Variants in HPSE2 observed in about 807,000 individuals in gnomAD.
HPSE2 encodes the protein inactive heparanase-2.
In HPSE2, 38 loss-of-function variants were observed where a neutral mutation model predicts 60.5. That is an observed-to-expected ratio of 0.63 (90% CI 0.48 to 0.82). The LOEUF is 0.82. Among genes scored for constraint, HPSE2 ranks in the 40% least tolerant of loss-of-function variants. The probability of loss-of-function intolerance (pLI) is 0.00; values close to 1 mark genes in which losing one functional copy is unlikely to be tolerated. For missense variants in HPSE2, 713 were observed against 740.4 expected (o/e 0.96, Z 0.43); for synonymous variants, 295 against 293.2 (o/e 1.01, Z -0.06).
At chr10:98,799,015 G>A (rs940948124) in intron 3 of HPSE2, among the ~76,000 whole-genome samples, 46 of 152,156 alleles carry the variant, frequency 3.0e-4, no homozygotes, top group Admixed American at 1.3e-3. Flanking sequence ...GTAAAAATAA[G>A]ACCAAATTAT....
chr10:98,833,162 C>T (rs1418523832), intron 3 of HPSE2, among the ~76,000 whole-genome samples: 2 of 152,152 alleles, frequency 1.3e-5, no homozygotes, highest in Non-Finnish European at 2.9e-5. Flanking sequence ...AGACAGTTCT[C>T]CAAACACCTA....
chr10:98,496,396 G>C (rs1030531575), intron 9 of HPSE2, among the ~76,000 whole-genome samples: 1 of 152,208 alleles, frequency 6.6e-6, no homozygotes, highest in African/African-American at 2.4e-5. Context: ...GTGGTTGCCT[G>C]CCTCTTTATC....
At chr10:98,799,623 C>T (rs912800615) in intron 3 of HPSE2, among the ~76,000 whole-genome samples, 3 of 151,562 alleles carry the variant, frequency 2.0e-5, no homozygotes, top group African/African-American at 7.3e-5. Flanking sequence ...AAATTAATAA[C>T]AAGAGGAATT....
At chr10:98,571,940 C>CTTTCTTTTTTTTTTTTT (rs560289933) in intron 9 of HPSE2, among the ~76,000 whole-genome samples, 1 of 140,730 alleles carries the variant, frequency 7.1e-6, no homozygotes, top group African/African-American at 2.7e-5. Context: ...AATTCCTTTT[C>CTTTCTTTTTTTTTTTTT]TTTTTTTTTT....
chr10:98,628,083 A>G (rs1037694203), intron 7 of HPSE2, among the ~76,000 whole-genome samples: 14 of 152,238 alleles, frequency 9.2e-5, no homozygotes, highest in Non-Finnish European at 1.9e-4. Context: ...TTTTGGGGAA[A>G]TATTTCTAGA....
chr10:98,788,720 G>A (rs535169624), intron 3 of HPSE2, among the ~76,000 whole-genome samples: 3 of 151,942 alleles, frequency 2.0e-5, no homozygotes, highest in East Asian at 2.0e-4. Flanking sequence ...AGGTGCGTCC[G>A]TCACCCCTTT....
chr10:99,062,996 T>C (rs1464300745), intron 3 of HPSE2, among the ~76,000 whole-genome samples: 1 of 152,184 alleles, frequency 6.6e-6, no homozygotes, highest in Non-Finnish European at 1.5e-5. Context: ...TATTTTCTAC[T>C]TTCCCTTGTC....
Position 99,235,634 on chromosome 10 carries a change from C to T in HPSE2, c.169G>A (p.Glu57Lys), listed in dbSNP as rs750706682. 6.2e-7 allele frequency: 1 copy of T among 1,614,062 alleles called. No homozygotes were observed. The highest frequency in any genetic ancestry group is 1.1e-5 in the South Asian group (1 of 91,062). ...ACATCAAGTAGAATCAGGGTCTTTT[C>T]CTTCAAACCTGCAGCTCTGTCTACA... ...LPVDRAAGLK[E>K]KTLILLDVST... is the part of the protein sequence containing the mutation. The change falls in exon 1 of 12, where the codon GAA becomes AAA. Residue 57 changes from glutamate (E) to lysine (K), a missense_variant. Transcript: ENST00000370552.
chr10:98,670,825 C>T (rs1947487532), intron 6 of HPSE2, among the ~76,000 whole-genome samples: 1 of 152,230 alleles, frequency 6.6e-6, no homozygotes, highest in African/African-American at 2.4e-5. Flanking sequence ...TCAATCACGA[C>T]CCTTTCATGT....
At position 99,198,583 on chromosome 10, in the gene HPSE2, A is replaced by G. The variant is rs182302432; in HGVS notation, c.448+33765T>C. Among the ~76,000 whole-genome samples the G allele has an allele frequency of 8.7e-3, 1,319 of 152,284 alleles. 11 individuals are homozygous for G. The highest frequency in any genetic ancestry group is 0.013 in the Admixed American group (203 of 15,292). ...TTGAAATGGCAAATCACTACTCATG[A>G]CCTAACTATAGGTAAGACTCATAGT... On this transcript the variant is annotated intron_variant, in intron 2 of 11. Transcript: ENST00000370552.
At chr10:99,222,857 C>T (rs2862530) in intron 2 of HPSE2, among the ~76,000 whole-genome samples, 82,818 of 152,000 alleles carry the variant, frequency 0.54, 24,391 homozygotes, top group East Asian at 0.66. Flanking sequence ...TTTTGTGTCA[C>T]AACCCACAAG....
chr10:98,569,319 C>A (rs534707), intron 9 of HPSE2, among the ~76,000 whole-genome samples: 129,743 of 152,054 alleles, frequency 0.85, 56,500 homozygotes, highest in East Asian at 1. Context: ...CCTTGGCCCC[C>A]CAAAGTGCTG....
At chr10:99,220,516 G>T (rs1048225985) in intron 2 of HPSE2, among the ~76,000 whole-genome samples, 15 of 152,120 alleles carry the variant, frequency 9.9e-5, no homozygotes, top group Non-Finnish European at 1.9e-4. Context: ...GTAGAACTGG[G>T]GATGGAGGCC....
the HPSE2 span, among the ~76,000 whole-genome samples, chr10:99,268,141 T>C: frequency 6.6e-6 from 1 of 152,176 alleles, no homozygotes; most frequent in South Asian, 2.1e-4. Context: ...ATTGGGGCCC[T>C]ATCTTTAGCC....
At chr10:99,112,906 G>C (rs1167618179) in intron 3 of HPSE2, among the ~76,000 whole-genome samples, 1 of 151,858 alleles carries the variant, frequency 6.6e-6, no homozygotes, top group Non-Finnish European at 1.5e-5. Context: ...CCACACCCAC[G>C]CAATCTCTAT....
chr10:99,171,955 C>T (rs1317627140), intron 2 of HPSE2, among the ~76,000 whole-genome samples: 1 of 152,070 alleles, frequency 6.6e-6, no homozygotes, highest in Non-Finnish European at 1.5e-5. Context: ...TCCAAAGCTG[C>T]TAAATGCCAC....
At chr10:98,769,328 G>A (rs1256568245) in intron 3 of HPSE2, among the ~76,000 whole-genome samples, 1 of 152,034 alleles carries the variant, frequency 6.6e-6, no homozygotes, top group Non-Finnish European at 1.5e-5. Flanking sequence ...TTGTTGTTTT[G>A]GTGGAGTGGA....
Position 99,018,826 on chromosome 10 carries a change from G to A in HPSE2, c.610+125412C>T, listed in dbSNP as rs11189935. Among the ~76,000 whole-genome samples the A allele has an allele frequency of 3.6e-3, 550 of 152,212 alleles. 2 individuals carry two copies. Among genetic ancestry groups the A allele is most frequent in the Non-Finnish European group, 6.3e-3 (428 of 68,004 alleles). On this transcript the variant is annotated intron_variant, in intron 3 of 11. Transcript: ENST00000370552. ...AGAGGTGATTTTTCAAAATCGACTCGAAGACACAGCTAATGCAAAATGACC... is the reference window on the plus strand; with the variant it reads ...AGAGGTGATTTTTCAAAATCGACTCAAAGACACAGCTAATGCAAAATGACC...
chr10:98,826,098 T>C (rs549836949), intron 3 of HPSE2, among the ~76,000 whole-genome samples: 19 of 152,208 alleles, frequency 1.2e-4, no homozygotes, highest in Non-Finnish European at 2.6e-4. Flanking sequence ...TCTATCATCA[T>C]TTGATTTTTA....
Sources: allele counts gnomAD v4.1 joint callset (sites outside exome capture counted in the v4.1 genomes callset), GRCh38; gene constraint gnomAD v4.1.1; transcripts MANE v1.5; gene names NCBI Gene and HGNC (gene_info 2026-07-23, HGNC 2026-07-21).